DMD: variants seen among roughly 807,000 people sequenced by gnomAD.
DMD encodes dystrophin.
Under a neutral mutation model 330.1 loss-of-function variants are expected in DMD, and 63 were observed. The observed-to-expected ratio is 0.19, with a 90% CI of 0.16 to 0.24. The LOEUF is 0.24. Ranked by LOEUF, DMD falls within the 10% of genes least tolerant of loss-of-function variation. The pLI is 1.00. For synonymous variants in DMD, 1,223 were observed against 959.8 expected, an observed-to-expected ratio of 1.27 and a Z score of -5.07; for missense variants, 3,344 against 2,684.1, an observed-to-expected ratio of 1.25 and a Z score of -5.43.
At chrX:33,057,910 G>A (rs186782495) in intron 1 of DMD, among the ~76,000 whole-genome samples, 6 of 111,424 alleles carry the variant, frequency 5.4e-5, no homozygotes, top group African/African-American at 1.6e-4. Flanking sequence ...ACAAAGTCTC[G>A]CTCTGTCACC....
intron 7 of DMD, among the ~76,000 whole-genome samples, chrX:32,728,991 G>A (rs138420627): frequency 0.015 from 1,625 of 111,761 alleles, 36 homozygotes; most frequent in African/African-American, 0.039. Context: ...GTGCTAGGGC[G>A]CAATTATGAA....
chrX:33,034,839 TA>T (rs1457541910), intron 1 of DMD, among the ~76,000 whole-genome samples: 2 of 112,026 alleles, frequency 1.8e-5, no homozygotes, highest in Non-Finnish European at 3.8e-5. Context: ...GTAAAATAGG[TA>T]CTAAAATAAT....
intron 1 of DMD, among the ~76,000 whole-genome samples, chrX:33,071,793 A>T (rs1306338672): frequency 2.7e-5 from 3 of 111,851 alleles, no homozygotes; most frequent in Non-Finnish European, 5.6e-5. Flanking sequence ...TTATGAGATA[A>T]AGAGTTGCCA....
rs146190534 is a variant in DMD at position 33,258,437 on chromosome X, C to T, written c.7+80822G>A. On this transcript the variant is annotated intron_variant, in intron 1 of 17. Coordinates refer to the DMD transcript ENST00000288447. Reference sequence around the variant, plus strand: ...TACAGAACCACCAACAAAAGTTCTGCTACTACAAATAGTTTTGATGAAACA... The same window carrying T: ...TACAGAACCACCAACAAAAGTTCTGTTACTACAAATAGTTTTGATGAAACA... Among the ~76,000 whole-genome samples, 506 of 111,477 alleles carry T rather than the reference C, an allele frequency of 4.5e-3. 12 individuals carry two copies. Among genetic ancestry groups the T allele is most frequent in the East Asian group, 0.035 (123 of 3,554 alleles).
At chrX:32,877,404 A>G (rs947169750) in intron 2 of DMD, among the ~76,000 whole-genome samples, 4 of 112,797 alleles carry the variant, frequency 3.5e-5, no homozygotes, top group African/African-American at 9.7e-5. Flanking sequence ...TAATAATGCT[A>G]TAATTCTGAA....
At chrX:33,157,235 C>T (rs374913194) in intron 1 of DMD, among the ~76,000 whole-genome samples, 1 of 111,149 alleles carries the variant, frequency 9.0e-6, no homozygotes, top group Non-Finnish European at 1.9e-5. Context: ...GAGTCTGTTC[C>T]GTGCCTCTTT....
At chrX:31,214,055 A>AGTCC (rs756856327) in intron 64 of DMD, among the ~76,000 whole-genome samples, 2 of 3,929 alleles carry the variant, frequency 5.1e-4, no homozygotes, top group Non-Finnish European at 2.5e-3. Context: ...TGCTAAAAAA[A>AGTCC]AATCCAAAAG....
chrX:32,736,839 C>T (rs997038819), intron 7 of DMD, among the ~76,000 whole-genome samples: 4 of 109,155 alleles, frequency 3.7e-5, no homozygotes, highest in African/African-American at 6.8e-5. Context: ...GTGGGTGCAG[C>T]GCACCAGCAT....
At chrX:32,480,082 A>G (rs1304235154) in intron 21 of DMD, among the ~76,000 whole-genome samples, 2 of 111,540 alleles carry the variant, frequency 1.8e-5, no homozygotes, top group Non-Finnish European at 3.8e-5. Context: ...AAATAACCTG[A>G]TTTAAAAATG....
Position 33,256,600 on chromosome X carries a change from C to T in DMD, c.7+82659G>A, listed in dbSNP as rs763278040. ...TTAAAATAGAAACCTACTTTTCAAC[C>T]GAGAATGTACACCTGTCATCTCAAA... is the stretch of plus-strand genomic sequence containing the variant. On this transcript the variant is annotated intron_variant, in intron 1 of 17. Transcript: ENST00000288447. Among the ~76,000 whole-genome samples the T allele has an allele frequency of 5.5e-5, 6 of 109,059 alleles. No individual in the cohort carries two copies. In the East Asian group the frequency reaches 8.5e-4, roughly 16 times the overall value. The allele number at this position is 109,059 out of a possible 115,157, so 94.7% of individuals were successfully genotyped here.
intron 43 of DMD, among the ~76,000 whole-genome samples, chrX:32,261,844 G>A (rs1056779221): frequency 1.8e-5 from 2 of 111,529 alleles, no homozygotes; most frequent in African/African-American, 6.5e-5. Flanking sequence ...CGTGGAGTGG[G>A]TAATAAATAG....
chrX:32,437,731 G>A (rs181062910), intron 29 of DMD, among the ~76,000 whole-genome samples: 1 of 112,441 alleles, frequency 8.9e-6, no homozygotes, highest in East Asian at 2.8e-4. Context: ...GCAAAACACT[G>A]ACTAGGAGAA....
At chrX:31,999,915 T>G (rs955701158) in intron 44 of DMD, among the ~76,000 whole-genome samples, 1 of 112,245 alleles carries the variant, frequency 8.9e-6, no homozygotes, top group African/African-American at 3.2e-5. Context: ...AACTGGTCTC[T>G]CCCCAGGATG....
intron 66 of DMD, among the ~76,000 whole-genome samples, chrX:31,204,446 C>A (rs1167521867): frequency 1.8e-5 from 2 of 111,946 alleles, no homozygotes; most frequent in African/African-American, 6.5e-5. Flanking sequence ...GTAACTACAT[C>A]AAAAAATAAG....
chrX:32,840,654 C>T (rs1365397941), intron 4 of DMD, among the ~76,000 whole-genome samples: 3 of 111,698 alleles, frequency 2.7e-5, no homozygotes, highest in Non-Finnish European at 5.6e-5. Context: ...ACATTTTGCC[C>T]GTTTTTGAAA....
intron 48 of DMD, among the ~76,000 whole-genome samples, chrX:31,858,416 C>T (rs1239565456): frequency 1.8e-5 from 2 of 110,613 alleles, no homozygotes; most frequent in Non-Finnish European, 3.8e-5. Context: ...TTGTTAGAGA[C>T]ATGCATCTTT....
chrX:33,092,777 C>T (rs968136296), intron 1 of DMD, among the ~76,000 whole-genome samples: 4 of 111,707 alleles, frequency 3.6e-5, no homozygotes, highest in African/African-American at 6.5e-5. Context: ...GATAGATATC[C>T]GAACTCAGGA....
At chrX:32,691,766 C>G (rs2063298382) in intron 9 of DMD, among the ~76,000 whole-genome samples, 1 of 111,128 alleles carries the variant, frequency 9.0e-6, no homozygotes, top group African/African-American at 3.3e-5. Context: ...TCAGTGTCCA[C>G]TGATGGATGA....
rs748836867 is a variant in DMD at position 32,400,802 on chromosome X, A to G, written c.4234-10621T>C. 5.0e-4 allele frequency among the ~76,000 whole-genome samples: 54 copies of G among 107,295 alleles called. No homozygotes were observed. In the East Asian group the frequency reaches 0.016, roughly 31 times the overall value. The allele number at this position is 107,295 out of a possible 115,157, so 93.2% of individuals were successfully genotyped here. A position where few individuals can be genotyped will look rare whatever the true frequency, so the allele number is the denominator to read the frequency against. On this transcript the variant is annotated intron_variant, in intron 30 of 78. Transcript: ENST00000357033. The stretch of plus-strand genomic sequence containing the variant: ...TCCTCAGGGATCTAGAACTAGAAAT[A>G]CCATTTGACCCAGCCATCCCATTAC...
Sources: allele counts gnomAD v4.1 joint callset (sites outside exome capture counted in the v4.1 genomes callset), GRCh38; gene constraint gnomAD v4.1.1; transcripts MANE v1.5; gene names NCBI Gene and HGNC (gene_info 2026-07-23, HGNC 2026-07-21).